PIK3C3: variants seen among roughly 807,000 people sequenced by gnomAD.
PIK3C3 encodes the protein phosphatidylinositol 3-kinase catalytic subunit type 3, also known as PI3-kinase type 3.
Under a neutral mutation model 126.1 loss-of-function variants are expected in PIK3C3, and 95 were observed. The ratio of observed to expected loss-of-function variants is 0.75; its 90% CI spans 0.64 to 0.89. The LOEUF (loss-of-function observed/expected upper bound fraction) is 0.89. Ranked by LOEUF, PIK3C3 falls within the 40% of genes least tolerant of loss-of-function variation. The pLI, the probability that PIK3C3 is intolerant of heterozygous loss-of-function variation, is 0.00. For missense variants in PIK3C3, 829 were observed against 1,063.2 expected (o/e 0.78, Z 3.06); for synonymous variants, 374 against 360.0 (o/e 1.04, Z -0.44).
At chr18:42,049,662 CT>C in intron 21 of PIK3C3, 57 bp downstream of exon 21, 2 of 1,311,486 alleles carry the variant, frequency 1.5e-6, no homozygotes, top group Non-Finnish European at 2.2e-6. Context: ...GTTTTTACCC[CT>C]GAATCTATGT....
At chr18:41,992,880 AAC>A (rs1981845542) in intron 6 of PIK3C3, among the ~76,000 whole-genome samples, 1 of 152,148 alleles carries the variant, frequency 6.6e-6, no homozygotes, top group South Asian at 2.1e-4. Context: ...CAAATGATGC[AAC>A]ACATCCATTG....
At chr18:41,999,621 G>A (rs935257846) in intron 9 of PIK3C3, among the ~76,000 whole-genome samples, 17 of 152,090 alleles carry the variant, frequency 1.1e-4, no homozygotes, top group African/African-American at 3.9e-4. Context: ...TCATGTCCTT[G>A]TATTCATATA....
chr18:42,072,268 T>C (rs920875720), intron 24 of PIK3C3, among the ~76,000 whole-genome samples: 4 of 152,162 alleles, frequency 2.6e-5, no homozygotes, highest in African/African-American at 9.7e-5. Flanking sequence ...AGTAGATTAA[T>C]ACATGCTTAA....
chr18:42,061,966 T>C (rs1303474690), intron 22 of PIK3C3, among the ~76,000 whole-genome samples: 1 of 152,006 alleles, frequency 6.6e-6, no homozygotes, highest in Non-Finnish European at 1.5e-5. Context: ...GGGGAGCTTG[T>C]AGGTGAGGTG....
chr18:41,994,521 T>C (rs72909487), intron 7 of PIK3C3, among the ~76,000 whole-genome samples: 365 of 152,198 alleles, frequency 2.4e-3, no homozygotes, highest in Admixed American at 4.8e-3. Context: ...AATGTGGTAG[T>C]GACACACATG....
intron 3 of PIK3C3, among the ~76,000 whole-genome samples, chr18:41,967,015 T>C (rs1980403531): frequency 6.6e-6 from 1 of 152,192 alleles, no homozygotes. Flanking sequence ...GAAGGAATTC[T>C]AAGAAACCCT....
intron 19 of PIK3C3, 56 bp from the exon 20 acceptor site, chr18:42,043,677 C>T: frequency 1.8e-6 from 2 of 1,139,020 alleles, no homozygotes; most frequent in Non-Finnish European, 2.7e-6. Flanking sequence ...AGTTTCAAAA[C>T]ACCTAGTTTG....
intron 4 of PIK3C3, among the ~76,000 whole-genome samples, chr18:41,976,663 T>C (rs1264299297): frequency 6.6e-6 from 1 of 152,218 alleles, no homozygotes; most frequent in African/African-American, 2.4e-5. Context: ...TGGAGATTAT[T>C]GTGAAGACTA....
chr18:42,055,176 C>CTGTTA (rs1985008022), intron 21 of PIK3C3, among the ~76,000 whole-genome samples: 1 of 151,996 alleles, frequency 6.6e-6, no homozygotes, highest in African/African-American at 2.4e-5. Context: ...GTGAGCTCTT[C>CTGTTA]TGTTAGTTCC....
In PIK3C3 at chr18:42,029,381, A is replaced by G; in HGVS notation, c.1647A>G (p.Val549=). Residue 549 remains valine, a synonymous_variant, in exon 15 of 25, where the codon GTA becomes GTG. Transcript: ENST00000262039. ...TGCTGGCTGCACAACAGACATTTGTAGATCGGTTGGTGCATCTAATGAAGG... is the reference window on the plus strand; with the variant it reads ...TGCTGGCTGCACAACAGACATTTGTGGATCGGTTGGTGCATCTAATGAAGG... The part of the protein sequence containing the change: ...RSLLAAQQTF[V]DRLVHLMKAV... 1 of 1,613,918 alleles carries G rather than the reference A, an allele frequency of 6.2e-7. No homozygotes were observed. Among genetic ancestry groups the G allele is most frequent in the Non-Finnish European group, 8.5e-7 (1 of 1,179,864 alleles).
At chr18:42,041,441 G>A (rs1984313902) in intron 19 of PIK3C3, among the ~76,000 whole-genome samples, 1 of 150,054 alleles carries the variant, frequency 6.7e-6, no homozygotes, top group Non-Finnish European at 1.5e-5. Context: ...CTTTAAATAT[G>A]AGAAAAGGTG....
intron 4 of PIK3C3, among the ~76,000 whole-genome samples, chr18:41,981,298 G>T (rs1353693015): frequency 1.3e-5 from 2 of 152,138 alleles, no homozygotes; most frequent in African/African-American, 4.8e-5. Context: ...CCCTAAAACA[G>T]TATTGATTTA....
intron 10 of PIK3C3, among the ~76,000 whole-genome samples, chr18:42,006,094 A>G (rs534445330): frequency 1.3e-5 from 2 of 151,314 alleles, no homozygotes; most frequent in East Asian, 2.1e-4. Context: ...CCTAAAGGAT[A>G]CAGAAGAACA....
intron 24 of PIK3C3, among the ~76,000 whole-genome samples, chr18:42,079,488 T>C (rs1390305210): frequency 1.3e-5 from 2 of 152,032 alleles, no homozygotes; most frequent in African/African-American, 2.4e-5. Flanking sequence ...TACCAAACTA[T>C]GACACAGAGA....
chr18:42,004,239 G>A, intron 9 of PIK3C3, 117 bp from the exon 10 acceptor site: 2 of 687,442 alleles, frequency 2.9e-6, no homozygotes, highest in South Asian at 1.8e-5. Flanking sequence ...GCTTACACAA[G>A]GAGTCTATCA....
rs1986418654 is a variant in PIK3C3 at position 42,087,312 on chromosome 18, G to T, written c.*6175G>T. ...TGAATGCGCCAAATTTTATAGTCCGGTTTGAGGAGGTGGTTTCTGATTGGT... is the reference window on the plus strand; with the variant it reads ...TGAATGCGCCAAATTTTATAGTCCGTTTTGAGGAGGTGGTTTCTGATTGGT... On this transcript the variant is annotated 3_prime_UTR_variant, in exon 25 of 25. Transcript: ENST00000262039. 1 of 152,276 alleles carries T rather than the reference G, an allele frequency of 6.6e-6. No individual in the cohort carries two copies. Among genetic ancestry groups the T allele is most frequent in the Admixed American group, 6.5e-5 (1 of 15,274 alleles). 9.4% of individuals were successfully genotyped at this position (152,276 alleles called of 1,614,324 possible).
intron 3 of PIK3C3, among the ~76,000 whole-genome samples, chr18:41,964,544 A>C (rs1980259407): frequency 6.6e-6 from 1 of 152,088 alleles, no homozygotes. Flanking sequence ...GTATTGAATA[A>C]ATATTATAAT....
rs1986235787 is a variant in PIK3C3, at chr18:42,081,174, A to T, written c.*37A>T. 6.6e-7 allele frequency: 1 copy of T among 1,519,348 alleles called. No homozygotes were observed. 94.1% of individuals were successfully genotyped at this position (1,519,348 alleles called of 1,614,324 possible). A position where few individuals can be genotyped will look rare whatever the true frequency, so the allele number is the denominator to read the frequency against. On this transcript the variant is annotated 3_prime_UTR_variant, in exon 25 of 25. Coordinates refer to ENST00000262039, the MANE Select transcript of PIK3C3 (RefSeq NM_002647.4). ...ACCCATCAAGATGCTTGGCTCAATA[A>T]GAAAACCACGTTAGGAGCAACCTTT...
chr18:41,966,498 A>G (rs987021461), intron 3 of PIK3C3, among the ~76,000 whole-genome samples: 1 of 151,696 alleles, frequency 6.6e-6, no homozygotes, highest in African/African-American at 2.4e-5. Context: ...ATCTTTATTT[A>G]CCCCAACTTA....
Sources: gnomAD v4.1 joint callset for allele counts (sites outside exome capture counted in the v4.1 genomes callset) on GRCh38, gnomAD v4.1.1 for gene constraint, MANE v1.5 for transcripts, NCBI Gene and HGNC (gene_info 2026-07-23, HGNC 2026-07-21) for gene names.